PIK3C2B: variants seen among roughly 807,000 people sequenced by gnomAD.
PIK3C2B encodes phosphatidylinositol 4-phosphate 3-kinase C2 domain-containing subunit beta.
Under a neutral mutation model 184.3 loss-of-function variants are expected in PIK3C2B, and 83 were observed. That is an observed-to-expected ratio of 0.45 (90% CI 0.38 to 0.54). The LOEUF is 0.54. Among genes scored for constraint, PIK3C2B ranks in the 20% least tolerant of loss-of-function variants. PIK3C2B has a pLI of 0.00. For missense variants in PIK3C2B, 1,736 were observed against 2,113.5 expected (o/e 0.82, Z 3.50); for synonymous variants, 779 against 837.6 (o/e 0.93, Z 1.21).
chr1:204,465,932 A>C (rs1162428185), intron 2 of PIK3C2B, among the ~76,000 whole-genome samples: 2 of 152,196 alleles, frequency 1.3e-5, no homozygotes, highest in African/African-American at 2.4e-5. Context: ...ACCTGGTAGA[A>C]GCTTGGCTCC....
chr1:204,469,765 G>A lies in PIK3C2B; in HGVS notation c.38C>T (p.Ser13Phe). 1 of 1,613,962 alleles carries A rather than the reference G, an allele frequency of 6.2e-7. No homozygotes were observed. The highest frequency in any genetic ancestry group is 8.5e-7 in the Non-Finnish European group (1 of 1,179,872). Reference protein sequence around the residue: ...STQGNGEHWKSLESVGISRKE... With the variant: ...STQGNGEHWKFLESVGISRKE... ...GCGGCTGATGCCCACTGACTCCAGG[G>A]ACTTCCAGTGTTCCCCATTGCCCTG... Residue 13 changes from serine to phenylalanine, a missense_variant, in exon 2 of 33, where the codon TCC (serine) becomes TTC (phenylalanine). Transcript: ENST00000684373.
In PIK3C2B at chr1:204,433,674, A is replaced by C; in HGVS notation, c.3843+119T>G. ...CTGCCTTTATCTAGGGCAGGCAGGT[A>C]TTCAGTTGGGGCTCAGAGAGGTAAA... On this transcript the variant is annotated intron_variant, in intron 25 of 32. Coordinates refer to ENST00000684373, the MANE Select transcript of PIK3C2B (RefSeq NM_001377334.1). The surrounding 1 kb of genome is among the most constrained non-coding windows in gnomAD (Gnocchi z 5.0). The C allele has an allele frequency of 1.0e-6, 1 of 985,000 alleles. No individual in the cohort carries two copies. The highest frequency in any genetic ancestry group is 1.6e-6 in the Non-Finnish European group (1 of 635,688). The allele number at this position is 985,000 out of a possible 1,614,324, so 61.0% of individuals were successfully genotyped here. A position where few individuals can be genotyped will look rare whatever the true frequency, so the allele number is the denominator to read the frequency against.
At position 204,440,188 on chromosome 1, in the gene PIK3C2B, T is replaced by C. The variant is rs757931725; in HGVS notation, c.3379+4A>G. 3 of 1,611,328 alleles carry C rather than the reference T, an allele frequency of 1.9e-6. No individual in the cohort carries two copies. The highest frequency in any genetic ancestry group is 2.5e-6 in the Non-Finnish European group (3 of 1,178,536). ...CTCCACCCTCACCCCTACTCCCAACTGACCTCTGCCCCGGCCGGTGGAGAA... is the reference window on the plus strand; with the variant it reads ...CTCCACCCTCACCCCTACTCCCAACCGACCTCTGCCCCGGCCGGTGGAGAA... On this transcript the variant is annotated splice_donor_region_variant and intron_variant, in intron 22 of 32. Coordinates refer to ENST00000684373, the MANE Select transcript of PIK3C2B (RefSeq NM_001377334.1).
intron 5 of PIK3C2B, among the ~76,000 whole-genome samples, chr1:204,462,421 C>G (rs61761702): frequency 2.0e-5 from 3 of 150,692 alleles, no homozygotes; most frequent in Non-Finnish European, 4.4e-5. Flanking sequence ...TTACAGAGGG[C>G]CCTGAGCATC....
At chr1:204,473,188 G>T (rs888808494) in intron 1 of PIK3C2B, among the ~76,000 whole-genome samples, 1 of 152,156 alleles carries the variant, frequency 6.6e-6, no homozygotes, top group Admixed American at 6.5e-5. Flanking sequence ...CTTACCCTGG[G>T]GTGCCCTCCC....
At position 204,428,117 on chromosome 1, in the gene PIK3C2B, G is replaced by A. The variant is rs746868960; in HGVS notation, c.4480+22C>T. ...GGTAGTTCAGAGGAGTTGGCAGTAA[G>A]GTCTCAGAGAAGATACTGTACCTGA... is the stretch of plus-strand genomic sequence containing the variant. On this transcript the variant is annotated intron_variant, in intron 30 of 32. Coordinates refer to ENST00000684373, the MANE Select transcript of PIK3C2B (RefSeq NM_001377334.1). The A allele has an allele frequency of 4.1e-6, 6 of 1,452,954 alleles. No homozygotes were observed. The Admixed American group carries it at 8.4e-5, about 20-fold the overall frequency. The allele number at this position is 1,452,954 out of a possible 1,614,324, so 90.0% of individuals were successfully genotyped here.
rs368947026 is a variant in PIK3C2B at position 204,449,938 on chromosome 1, G to T, written c.2146C>A (p.Pro716Thr). ...TTGGCCTCTGAGGAGCTCCCCGGTG[G>T]GGGGATGGGCAGAGCATAGAGAGTG... The part of the protein sequence containing the change: ...CATLYALPIP[P>T]PGSSSEANKQ... The change falls in exon 13 of 33, where the codon CCA (proline) becomes ACA (threonine). Residue 716 changes from proline to threonine, a missense_variant. Pro to Thr is a conservative substitution (Grantham distance 38, BLOSUM62 -1). This residue lies in a region of PIK3C2B where 609 missense variants were observed against 699.2 expected (regional missense o/e 0.87). Coordinates refer to ENST00000684373, the MANE Select transcript of PIK3C2B (RefSeq NM_001377334.1). The T allele has an allele frequency of 2.5e-6, 4 of 1,612,648 alleles. No homozygotes were observed. In the African/African-American group the frequency reaches 4.0e-5, roughly 16 times the overall value.
At chr1:204,444,690 T>C (rs1336739028) in intron 16 of PIK3C2B, among the ~76,000 whole-genome samples, 1 of 152,144 alleles carries the variant, frequency 6.6e-6, no homozygotes, top group Non-Finnish European at 1.5e-5. Context: ...TTAAAGAAAA[T>C]GGGACAAAGT....
Position 204,446,021 on chromosome 1 carries a change from G to C in PIK3C2B, c.2613C>G (p.Ile871Met), listed in dbSNP as rs946812491. ...GGGTCCACTGCTTCAGGAGAACATA[G>C]ATGTCAGGCAGGCAAGCCCACTCCC... is the stretch of plus-strand genomic sequence containing the variant. The part of the protein sequence containing the change: ...PSWEWACLPD[I>M]YVLLKQWTHM... Residue 871 changes from isoleucine to methionine, a missense_variant, in exon 16 of 33, where the codon ATC becomes ATG. This residue lies in a region of PIK3C2B where 609 missense variants were observed against 699.2 expected (regional missense o/e 0.87). Coordinates refer to ENST00000684373, the MANE Select transcript of PIK3C2B (RefSeq NM_001377334.1). 6.2e-7 allele frequency: 1 copy of C among 1,604,940 alleles called. No individual in the cohort carries two copies. The highest frequency in any genetic ancestry group is 8.5e-7 in the Non-Finnish European group (1 of 1,173,700).
chr1:204,469,082 T>G lies in PIK3C2B; in HGVS notation c.721A>C (p.Lys241Gln). The change falls in exon 2 of 33, where the codon AAA becomes CAA. Residue 241 changes from lysine to glutamine, a missense_variant. Lys to Gln is a moderately conservative substitution (Grantham distance 53). Around this residue, in one of 8 missense-constraint regions of PIK3C2B, gnomAD observed 404 missense variants for 418.0 expected, o/e 0.97. Coordinates refer to ENST00000684373, the MANE Select transcript of PIK3C2B (RefSeq NM_001377334.1). ...INDAITRLNL[K>Q]STYDAEMLRD... is the part of the protein sequence containing the mutation. ...AACATCTCCGCATCATAGGTCGATTTCAAGTTGAGCCTAGTAATTGCATCA... is the reference window on the plus strand; with the variant it reads ...AACATCTCCGCATCATAGGTCGATTGCAAGTTGAGCCTAGTAATTGCATCA... The G allele has an allele frequency of 1.2e-6, 2 of 1,614,156 alleles. No homozygotes were observed. Among genetic ancestry groups the G allele is most frequent in the Non-Finnish European group, 1.7e-6 (2 of 1,180,020 alleles).
Position 204,465,212 on chromosome 1 carries a change from C to A in PIK3C2B, c.1034+7G>T. On this transcript the variant is annotated splice_region_variant and intron_variant, in intron 3 of 32. Transcript: ENST00000684373. ...TCCCAAATCCCACCCCATTCTTTAA[C>A]TCTTACATATCCAGCATGTGGCAAA... 5.4e-6 allele frequency: 5 copies of A among 920,958 alleles called. No homozygotes were observed. Among genetic ancestry groups the A allele is most frequent in the South Asian group, 1.3e-5 (1 of 79,084 alleles). 57.0% of individuals were successfully genotyped at this position (920,958 alleles called of 1,614,324 possible).
chr1:204,429,895 C>T (rs757052692), intron 29 of PIK3C2B, 26 bp downstream of exon 29: 1 of 1,446,394 alleles, frequency 6.9e-7, no homozygotes, highest in Non-Finnish European at 9.7e-7. Context: ...GCCTGGACAG[C>T]CAGGAGGAGA....
chr1:204,456,902 A>C (rs1250638066), intron 10 of PIK3C2B, 135 bp downstream of exon 10: 5 of 363,840 alleles, frequency 1.4e-5, no homozygotes, highest in African/African-American at 6.0e-5. Flanking sequence ...ACACACACAC[A>C]CACACCCACA....
At chr1:204,493,792 G>T (rs1402435223) in intron 1 of PIK3C2B, among the ~76,000 whole-genome samples, 2 of 152,086 alleles carry the variant, frequency 1.3e-5, no homozygotes, top group Admixed American at 1.3e-4. Flanking sequence ...TCCCAGCACC[G>T]GCGAACTCAG....
chr1:204,427,629 C>T lies in PIK3C2B; in HGVS notation c.4587+19G>A, dbSNP rs370462817. On this transcript the variant is annotated intron_variant, in intron 31 of 32. Transcript: ENST00000684373. ...AAACATTAAAAAAGAAAAAAAATCA[C>T]GGCTGTGCAGGCACTTACCAAGCCC... is the stretch of plus-strand genomic sequence containing the variant. The T allele has an allele frequency of 3.1e-4, 480 of 1,528,790 alleles. 2 individuals are homozygous for T. The highest frequency in any genetic ancestry group is 7.2e-4 in the Admixed American group (42 of 58,658). The allele number at this position is 1,528,790 out of a possible 1,614,324, so 94.7% of individuals were successfully genotyped here.
rs1364155464 is a variant in PIK3C2B at position 204,494,640 on chromosome 1, C to A, written c.-369G>T. 2 of 152,602 alleles carry A rather than the reference C, an allele frequency of 1.3e-5. No homozygotes were observed. The highest frequency in any genetic ancestry group is 2.4e-5 in the African/African-American group (1 of 41,588). The allele number at this position is 152,602 out of a possible 1,614,324, so 9.5% of individuals were successfully genotyped here. A position where few individuals can be genotyped will look rare whatever the true frequency, so the allele number is the denominator to read the frequency against. ...TCTCCGCCGAGAGCGTGCGCGAGCT[C>A]GCAGAGTCAGGCCACCCCGGGTGAG... On this transcript the variant is annotated 5_prime_UTR_variant, in exon 1 of 33. Coordinates refer to ENST00000684373, the MANE Select transcript of PIK3C2B (RefSeq NM_001377334.1).
At chr1:204,458,639 G>C (rs759481049) in intron 8 of PIK3C2B, among the ~76,000 whole-genome samples, 3 of 151,860 alleles carry the variant, frequency 2.0e-5, no homozygotes, top group African/African-American at 7.3e-5. Context: ...GATTACAGGC[G>C]CCTGCAACCA....
intron 29 of PIK3C2B, among the ~76,000 whole-genome samples, chr1:204,429,099 A>T (rs1388325808): frequency 1.3e-5 from 2 of 151,912 alleles, no homozygotes; most frequent in African/African-American, 4.8e-5. Flanking sequence ...GTGGTGGCCC[A>T]TGCCTACAGT....
At position 204,449,182 on chromosome 1, in the gene PIK3C2B, C is replaced by A; in HGVS notation, c.2346+3G>T. 1 of 1,596,576 alleles carries A rather than the reference C, an allele frequency of 6.3e-7. No individual in the cohort carries two copies. ...GACTGGGAGGGAAGGGCTAAAGCCT[C>A]ACCTGCAGGATGACACTGTCTGGCT... On this transcript the variant is annotated splice_donor_region_variant and intron_variant, in intron 14 of 32. Coordinates refer to ENST00000684373, the MANE Select transcript of PIK3C2B (RefSeq NM_001377334.1).
Sources: gnomAD v4.1 joint callset for allele counts (sites outside exome capture counted in the v4.1 genomes callset) on GRCh38, gnomAD v4.1.1 for gene constraint, gnomAD v4.1.1 regional missense constraint, Gnocchi (gnomAD v3.1) non-coding constraint, MANE v1.5 for transcripts, NCBI Gene and HGNC (gene_info 2026-07-23, HGNC 2026-07-21) for gene names.